SPARCL1: variants seen among roughly 807,000 people sequenced by gnomAD.
SPARCL1 encodes the protein SPARC like 1.
A neutral mutation model predicts 67.1 loss-of-function variants in SPARCL1; 52 were observed. The observed-to-expected ratio is 0.78, with a 90% CI of 0.62 to 0.98. The LOEUF is 0.98. Ranked by LOEUF, SPARCL1 falls within the 50% of genes least tolerant of loss-of-function variation. SPARCL1 has a pLI of 0.00. For missense variants in SPARCL1, 717 were observed against 782.4 expected (o/e 0.92, Z 1.00); for synonymous variants, 226 against 267.8 (o/e 0.84, Z 1.52).
At chr4:87,527,100 G>C (rs1726075307) in intron 1 of SPARCL1, among the ~76,000 whole-genome samples, 2 of 152,132 alleles carry the variant, frequency 1.3e-5, no homozygotes, top group Non-Finnish European at 2.9e-5. Flanking sequence ...CCCACCTTTG[G>C]AACAATCATC....
At position 87,490,448 on chromosome 4, in the gene SPARCL1, C is replaced by T. The variant is rs200888475; in HGVS notation, c.1411-55G>A. ...ATAGAGCCAAATGCTCACTGGAAGA[C>T]ACTCTGCTCCTTAAAGCTCATATGC... On this transcript the variant is annotated intron_variant, in intron 6 of 10. Coordinates refer to ENST00000282470, the MANE Select transcript of SPARCL1 (RefSeq NM_004684.6). 6.7e-4 allele frequency: 1,043 copies of T among 1,561,444 alleles called. 12 individuals carry two copies. In the South Asian group the frequency reaches 0.012, roughly 18 times the overall value.
chr4:87,481,927 T>A (rs1321091594), intron 8 of SPARCL1, among the ~76,000 whole-genome samples: 1 of 152,198 alleles, frequency 6.6e-6, no homozygotes, highest in East Asian at 1.9e-4. Flanking sequence ...TTAGGTCAAT[T>A]TCTGGCACCC....
At chr4:87,507,221 A>C (rs1187343780) in intron 1 of SPARCL1, among the ~76,000 whole-genome samples, 1 of 152,228 alleles carries the variant, frequency 6.6e-6, no homozygotes, top group Non-Finnish European at 1.5e-5. Flanking sequence ...AAATGGTACA[A>C]CTTAAAAGGG....
At chr4:87,496,043 C>A (rs1724606363) in intron 2 of SPARCL1, among the ~76,000 whole-genome samples, 1 of 152,090 alleles carries the variant, frequency 6.6e-6, no homozygotes, top group Non-Finnish European at 1.5e-5. Flanking sequence ...GGTCCTATTT[C>A]TAGCAAGATT....
rs1366655261 is a variant in SPARCL1, at chr4:87,491,662, T to G, written c.1247A>C (p.Glu416Ala). Residue 416 changes from glutamate to alanine, a missense_variant, in exon 5 of 11, where the codon GAG (glutamate) becomes GCG (alanine). By Grantham distance (107) the Glu-to-Ala change is moderately radical. Transcript: ENST00000282470. ...GTTGCCTTCACTTGACGTTTCCTCC[T>G]CATTTGATGAGTTCTCTGCTTTCTT... ...EAKKAENSSN[E>A]EETSSEGNMR... 4 of 1,613,696 alleles carry G rather than the reference T, an allele frequency of 2.5e-6. No individual in the cohort carries two copies. Among genetic ancestry groups the G allele is most frequent in the South Asian group, 1.1e-5 (1 of 91,080 alleles).
chr4:87,495,305 T>G (rs1166451985), intron 2 of SPARCL1, among the ~76,000 whole-genome samples, 178 bp from the exon 3 acceptor site: 1 of 152,198 alleles, frequency 6.6e-6, no homozygotes, highest in African/African-American at 2.4e-5. Context: ...GAATGTTAAG[T>G]GGAAGCAGAA....
At chr4:87,481,752 A>G (rs1011505544) in intron 8 of SPARCL1, among the ~76,000 whole-genome samples, 1 of 152,244 alleles carries the variant, frequency 6.6e-6, no homozygotes, top group African/African-American at 2.4e-5. Flanking sequence ...TCATTTTACT[A>G]TATATAATTG....
intron 7 of SPARCL1, among the ~76,000 whole-genome samples, chr4:87,489,616 G>A (rs1049149134): frequency 2.0e-5 from 3 of 152,230 alleles, no homozygotes; most frequent in Non-Finnish European, 4.4e-5. Context: ...AGCAGAGGAT[G>A]GAGAACCATA....
chr4:87,477,222 G>A (rs1291523056), intron 10 of SPARCL1, among the ~76,000 whole-genome samples: 1 of 152,152 alleles, frequency 6.6e-6, no homozygotes, highest in East Asian at 1.9e-4. Flanking sequence ...TAAGTAAAAT[G>A]GCCTCTGTTT....
intron 1 of SPARCL1, among the ~76,000 whole-genome samples, chr4:87,521,001 C>T (rs570440814): frequency 2.6e-4 from 40 of 152,288 alleles, no homozygotes; most frequent in African/African-American, 5.1e-4. Flanking sequence ...TATTAGGGAA[C>T]CTACACAAAC....
intron 10 of SPARCL1, among the ~76,000 whole-genome samples, chr4:87,474,999 C>T (rs369683732): frequency 1.3e-5 from 2 of 152,178 alleles, no homozygotes; most frequent in South Asian, 2.1e-4. Flanking sequence ...GCCTCAGCCT[C>T]CCAAAGTGCT....
At chr4:87,524,150 GA>G (rs1725938859) in intron 1 of SPARCL1, among the ~76,000 whole-genome samples, 2 of 152,310 alleles carry the variant, frequency 1.3e-5, no homozygotes, top group South Asian at 4.1e-4. Flanking sequence ...AAAAGTTAAT[GA>G]AAGATAAGAT....
intron 7 of SPARCL1, among the ~76,000 whole-genome samples, chr4:87,482,817 T>G (rs1009100540): frequency 6.6e-6 from 1 of 152,178 alleles, no homozygotes; most frequent in Non-Finnish European, 1.5e-5. Flanking sequence ...TCAGGATGTT[T>G]TTAAAGCTCC....
At chr4:87,479,367 G>T in intron 10 of SPARCL1, 63 bp downstream of exon 10, 1 of 1,538,564 alleles carries the variant, frequency 6.5e-7, no homozygotes, top group Non-Finnish European at 8.8e-7. Context: ...TATGAAGCAT[G>T]CAGGGCTTAG....
intron 3 of SPARCL1, 72 bp from the exon 4 acceptor site, chr4:87,494,670 A>G (rs1273699122): frequency 8.4e-7 from 1 of 1,193,146 alleles, no homozygotes. Flanking sequence ...GGTAACATTT[A>G]ATATTCATTA....
At chr4:87,500,219 A>G (rs1006948927) in intron 1 of SPARCL1, among the ~76,000 whole-genome samples, 7 of 152,222 alleles carry the variant, frequency 4.6e-5, no homozygotes, top group African/African-American at 1.4e-4. Context: ...TCTTCATGAC[A>G]GCAGTTGGCT....
At chr4:87,523,454 C>T (rs544940134) in intron 1 of SPARCL1, among the ~76,000 whole-genome samples, 11 of 152,230 alleles carry the variant, frequency 7.2e-5, no homozygotes, top group South Asian at 2.1e-4. Context: ...TTTTTAAATA[C>T]GCCCTTTAAA....
chr4:87,491,959 A>G (rs1724365375), intron 4 of SPARCL1, among the ~76,000 whole-genome samples: 1 of 84,878 alleles, frequency 1.2e-5, no homozygotes, highest in Admixed American at 1.6e-4. Flanking sequence ...CCCCCCCAAA[A>G]AAAAAAAAAT....
At chr4:87,474,808 TCTCGG>T (rs1188331833) in intron 10 of SPARCL1, among the ~76,000 whole-genome samples, 3 of 148,420 alleles carry the variant, frequency 2.0e-5, no homozygotes, top group African/African-American at 7.5e-5. Flanking sequence ...AGTGGCGCAG[TCTCGG>T]CTCACTGCAA....
Sources: allele counts gnomAD v4.1 joint callset (sites outside exome capture counted in the v4.1 genomes callset), GRCh38; gene constraint gnomAD v4.1.1; transcripts MANE v1.5; gene names NCBI Gene and HGNC (gene_info 2026-07-23, HGNC 2026-07-21).